Variants in APH1B observed in about 807,000 individuals in gnomAD.
APH1B encodes aph-1B gamma-secretase subunit.
Under a neutral mutation model 28.2 loss-of-function variants are expected in APH1B, and 27 were observed. That is an observed-to-expected ratio of 0.96 (90% CI 0.70 to 1.32). APH1B has a LOEUF of 1.32. APH1B is among the 40% of genes most tolerant of loss of function. The pLI is 0.00. For missense variants in APH1B, 305 were observed against 313.6 expected, an observed-to-expected ratio of 0.97 and a Z score of 0.21; for synonymous variants, 141 against 124.6, an observed-to-expected ratio of 1.13 and a Z score of -0.88.
chr15:63,278,232 T>A (rs1431131441), intron 1 of APH1B: 1 of 430,818 alleles, frequency 2.3e-6, no homozygotes, highest in Non-Finnish European at 4.5e-6. Context: ...GGGATGGGAT[T>A]CGGGCTTCAG....
chr15:63,294,026 A>G (rs553588339), intron 4 of APH1B, among the ~76,000 whole-genome samples: 1 of 152,032 alleles, frequency 6.6e-6, no homozygotes, highest in South Asian at 2.1e-4. Context: ...CAACCTCCTG[A>G]AATGCTGTAC....
chr15:63,305,700 G>T lies in APH1B; in HGVS notation c.693G>T (p.Ala231=). The T allele has an allele frequency of 6.2e-7, 1 of 1,614,106 alleles. No individual in the cohort carries two copies. The highest frequency in any genetic ancestry group is 8.5e-7 in the Non-Finnish European group (1 of 1,180,016). ...VLMGTWAFLA[A]GGSCRSLKLC... The stretch of plus-strand genomic sequence containing the variant: ...TGGGCACCTGGGCATTCTTAGCTGC[G>T]GGAGGCAGCTGCCGAAGCCTGAAAC... The change falls in exon 6 of 6, where the codon GCG becomes GCT. Residue 231 remains alanine (A), a synonymous_variant. Transcript: ENST00000261879.
chr15:63,300,351 C>G (rs762330398), intron 4 of APH1B, among the ~76,000 whole-genome samples: 1 of 152,178 alleles, frequency 6.6e-6, no homozygotes, highest in African/African-American at 2.4e-5. Context: ...AGCTGCCAAA[C>G]AGATGACACC....
At chr15:63,303,874 A>AACACACACACACAC (rs113837395) in intron 5 of APH1B, among the ~76,000 whole-genome samples, 19 of 145,698 alleles carry the variant, frequency 1.3e-4, no homozygotes, top group Non-Finnish European at 2.7e-4. Context: ...ACACACACAC[A>AACACACACACACAC]ACACACACAC....
At position 63,277,766 on chromosome 15, in the gene APH1B, G is replaced by A. The variant is rs746879869; in HGVS notation, c.113+30G>A. On this transcript the variant is annotated intron_variant, in intron 1 of 5. Coordinates refer to ENST00000261879, the MANE Select transcript of APH1B (RefSeq NM_031301.4). ...GGCGGTCGCGTCGGGAAACCCGGAC[G>A]CCGGGGCTCCCCTCCCCCGCTGGGG... 4.4e-6 allele frequency: 7 copies of A among 1,592,698 alleles called. No homozygotes were observed. The East Asian group carries it at 1.6e-4, about 36-fold the overall frequency.
intron 4 of APH1B, among the ~76,000 whole-genome samples, chr15:63,294,343 G>A (rs2038541239): frequency 6.6e-6 from 1 of 152,116 alleles, no homozygotes; most frequent in African/African-American, 2.4e-5. Flanking sequence ...CCCGCCCCCC[G>A]GCAACCTCTC....
intron 4 of APH1B, among the ~76,000 whole-genome samples, chr15:63,300,168 A>T (rs1473386236): frequency 6.6e-6 from 1 of 152,212 alleles, no homozygotes; most frequent in Non-Finnish European, 1.5e-5. Context: ...AGGGGTCAAG[A>T]AGCTCTGGTG....
chr15:63,303,698 G>T (rs1195002153), intron 5 of APH1B, among the ~76,000 whole-genome samples: 1 of 152,094 alleles, frequency 6.6e-6, no homozygotes, highest in Non-Finnish European at 1.5e-5. Context: ...GCTCTATGTT[G>T]CTCCGGCTGG....
chr15:63,286,419 A>G, intron 2 of APH1B, 139 bp from the exon 3 acceptor site: 2 of 651,894 alleles, frequency 3.1e-6, no homozygotes, highest in Non-Finnish European at 4.8e-6. Flanking sequence ...GTTTAAATAA[A>G]TTACAGATTT....
In APH1B at chr15:63,301,007, G is replaced by A. The variant is rs192151563; in HGVS notation, c.479-1338G>A. 8.5e-5 allele frequency among the ~76,000 whole-genome samples: 13 copies of A among 152,292 alleles called. No homozygotes were observed. The East Asian group carries it at 1.7e-3, about 20-fold the overall frequency. ...ATATGCTCCTTGTGCAGATGTGTAC[G>A]TTTCTCTAGAGCAATGGCTCTGAAA... On this transcript the variant is annotated intron_variant, in intron 4 of 5. Coordinates refer to ENST00000261879, the MANE Select transcript of APH1B (RefSeq NM_031301.4).
intron 2 of APH1B, 102 bp downstream of exon 2, chr15:63,279,433 C>A: frequency 9.3e-7 from 1 of 1,075,134 alleles, no homozygotes; most frequent in Non-Finnish European, 1.3e-6. Flanking sequence ...TGCCCTCCTA[C>A]ATAGTACTAA....
Position 63,304,227 on chromosome 15 carries a change from G to A in APH1B, c.607-1387G>A, listed in dbSNP as rs190496823. The stretch of plus-strand genomic sequence containing the variant: ...TACCAAAAGGCAGCACCAGGCTGTG[G>A]TGTTGAAGCCAGCGTCATGGTCACC... On this transcript the variant is annotated intron_variant, in intron 5 of 5. Transcript: ENST00000261879. The surrounding 1 kb of genome is among the most constrained non-coding windows in gnomAD (Gnocchi z 5.1). 2.0e-5 allele frequency among the ~76,000 whole-genome samples: 3 copies of A among 152,348 alleles called. No homozygotes were observed. Among genetic ancestry groups the A allele is most frequent in the Admixed American group, 2.0e-4 (3 of 15,302 alleles).
intron 4 of APH1B, among the ~76,000 whole-genome samples, chr15:63,293,498 CT>C (rs1284708232): frequency 1.4e-3 from 173 of 126,682 alleles, no homozygotes; most frequent in Middle Eastern, 5.3e-3. Flanking sequence ...TCTTCTTCTT[CT>C]TTTTTTTTTT....
chr15:63,299,455 A>G (rs1048486117), intron 4 of APH1B, among the ~76,000 whole-genome samples: 3 of 152,062 alleles, frequency 2.0e-5, no homozygotes, highest in Non-Finnish European at 4.4e-5. Flanking sequence ...CCCAGGCTGG[A>G]GTGCAGTGGC....
chr15:63,281,534 GAAA>G (rs58991721), intron 2 of APH1B, among the ~76,000 whole-genome samples: 26 of 115,372 alleles, frequency 2.3e-4, no homozygotes, highest in Admixed American at 1.1e-3. Flanking sequence ...GTCTAATTTT[GAAA>G]AAAAAAAAAA....
At chr15:63,291,226 A>T (rs2038503290) in intron 4 of APH1B, among the ~76,000 whole-genome samples, 1 of 152,228 alleles carries the variant, frequency 6.6e-6, no homozygotes, top group Non-Finnish European at 1.5e-5. Flanking sequence ...CAGAATTCAG[A>T]GAGAAGATAA....
chr15:63,290,928 G>A (rs1410645823), intron 4 of APH1B, among the ~76,000 whole-genome samples: 1 of 151,226 alleles, frequency 6.6e-6, no homozygotes, highest in African/African-American at 2.5e-5. Flanking sequence ...AGCTAGGCAG[G>A]CAAAGAAAGG....
At chr15:63,289,071 G>A (rs564035476) in intron 4 of APH1B, among the ~76,000 whole-genome samples, 40 of 151,984 alleles carry the variant, frequency 2.6e-4, no homozygotes, top group Non-Finnish European at 4.6e-4. Context: ...ACCAATTTGG[G>A]GATTGTATTT....
intron 4 of APH1B, among the ~76,000 whole-genome samples, chr15:63,299,505 C>T (rs990315669): frequency 4.4e-4 from 67 of 151,996 alleles, no homozygotes; most frequent in Non-Finnish European, 2.9e-4. Flanking sequence ...CCCAGGTTCA[C>T]GCCATTCTCC....
Sources: gnomAD v4.1 joint callset for allele counts (sites outside exome capture counted in the v4.1 genomes callset) on GRCh38, gnomAD v4.1.1 for gene constraint, Gnocchi (gnomAD v3.1) non-coding constraint, MANE v1.5 for transcripts, NCBI Gene and HGNC (gene_info 2026-07-23, HGNC 2026-07-21) for gene names.